Variants in FAM107B observed in about 807,000 individuals in gnomAD.
FAM107B encodes protein FAM107B.
In FAM107B, 21 loss-of-function variants were observed where a neutral mutation model predicts 31.5. The ratio of observed to expected loss-of-function variants is 0.67; its 90% CI spans 0.47 to 0.96. The LOEUF (loss-of-function observed/expected upper bound fraction) is 0.96, where lower values mean the gene tolerates loss of function less well. Among genes scored for constraint, FAM107B ranks in the 40% least tolerant of loss-of-function variants. FAM107B has a pLI of 0.00. For missense variants in FAM107B, 452 were observed against 377.1 expected, an observed-to-expected ratio of 1.20 and a Z score of -1.64; for synonymous variants, 157 against 141.5, an observed-to-expected ratio of 1.11 and a Z score of -0.78.
chr10:14,576,899 T>C (rs1321779814), intron 2 of FAM107B, among the ~76,000 whole-genome samples: 3 of 152,176 alleles, frequency 2.0e-5, no homozygotes, highest in Non-Finnish European at 2.9e-5. Context: ...CCAGAGTATT[T>C]GGGATCAGTA....
chr10:14,526,197 A>G (rs1329384442), intron 3 of FAM107B, among the ~76,000 whole-genome samples: 1 of 152,112 alleles, frequency 6.6e-6, no homozygotes, highest in African/African-American at 2.4e-5. Context: ...CCGGGGGGAC[A>G]GAGTCTCGCT....
At chr10:14,556,516 C>T (rs771239739) in intron 2 of FAM107B, 2 of 646,884 alleles carry the variant, frequency 3.1e-6, no homozygotes, top group Non-Finnish European at 3.8e-6. Context: ...CTGGACAAAA[C>T]AAAGCCGTGC....
At chr10:14,601,937 G>T (rs1398394064) in intron 2 of FAM107B, among the ~76,000 whole-genome samples, 14 of 152,156 alleles carry the variant, frequency 9.2e-5, no homozygotes, top group African/African-American at 2.9e-4. Context: ...ATGAATGAAT[G>T]AATGACGGCG....
chr10:14,571,947 T>G, intron 2 of FAM107B: 1 of 985,434 alleles, frequency 1.0e-6, no homozygotes, highest in Non-Finnish European at 1.2e-6. Flanking sequence ...GGCAGGCTCC[T>G]TAAGCCCAAG....
At chr10:14,522,873 G>A (rs548481429) in intron 3 of FAM107B, among the ~76,000 whole-genome samples, 6 of 152,198 alleles carry the variant, frequency 3.9e-5, no homozygotes, top group South Asian at 2.1e-4. Flanking sequence ...GGACATGGCC[G>A]TGCAGAACCT....
intron 2 of FAM107B, among the ~76,000 whole-genome samples, chr10:14,594,893 C>T (rs1430223814): frequency 6.6e-6 from 1 of 152,176 alleles, no homozygotes; most frequent in Non-Finnish European, 1.5e-5. Flanking sequence ...ACCTTTTTCT[C>T]ATCAGCACAG....
At chr10:14,677,367 A>G (rs1357342828) in intron 1 of FAM107B, among the ~76,000 whole-genome samples, 1 of 152,154 alleles carries the variant, frequency 6.6e-6, no homozygotes, top group Non-Finnish European at 1.5e-5. Flanking sequence ...CAATCCTGTA[A>G]TCCCAGCACT....
intron 2 of FAM107B, among the ~76,000 whole-genome samples, chr10:14,599,245 G>C (rs892767069): frequency 6.6e-6 from 1 of 152,064 alleles, no homozygotes; most frequent in Non-Finnish European, 1.5e-5. Flanking sequence ...CCCACTTCAA[G>C]ACTTCTAAGT....
chr10:14,669,644 A>G (rs1202650891), intron 1 of FAM107B, among the ~76,000 whole-genome samples: 2 of 152,258 alleles, frequency 1.3e-5, no homozygotes, highest in East Asian at 3.8e-4. Flanking sequence ...TAAGCTAGGC[A>G]TGGAAAGATA....
chr10:14,659,457 A>AAAC (rs1854167113), intron 2 of FAM107B, among the ~76,000 whole-genome samples: 1 of 152,044 alleles, frequency 6.6e-6, no homozygotes, highest in African/African-American at 2.4e-5. Context: ...AAACAAAACA[A>AAAC]AACAAAACAA....
At chr10:14,529,539 C>A (rs970147789) in intron 3 of FAM107B, 1 of 152,106 alleles carries the variant, frequency 6.6e-6, no homozygotes. Flanking sequence ...TCTTTCAGTT[C>A]AGTGGGAGAC....
intron 1 of FAM107B, among the ~76,000 whole-genome samples, chr10:14,764,671 G>C (rs1833127210): frequency 1.3e-5 from 2 of 152,220 alleles, no homozygotes. Flanking sequence ...GGTTAACCAT[G>C]TCTGTGGCTG....
At chr10:14,625,886 T>C (rs1853149544) in intron 2 of FAM107B, among the ~76,000 whole-genome samples, 1 of 22,804 alleles carries the variant, frequency 4.4e-5, no homozygotes, top group South Asian at 2.4e-3. Context: ...AAAAAGCTAA[T>C]TTCAACAGGG....
intron 2 of FAM107B, among the ~76,000 whole-genome samples, chr10:14,620,618 G>C (rs879936966): frequency 1.3e-5 from 2 of 151,988 alleles, no homozygotes; most frequent in Non-Finnish European, 2.9e-5. Flanking sequence ...TGCCATATTG[G>C]TTTGCTGCAC....
At chr10:14,547,233 G>A (rs889203283) in intron 2 of FAM107B, among the ~76,000 whole-genome samples, 3 of 152,152 alleles carry the variant, frequency 2.0e-5, no homozygotes, top group Admixed American at 6.5e-5. Flanking sequence ...GATGAGATTC[G>A]ACACTGTTGT....
intron 2 of FAM107B, among the ~76,000 whole-genome samples, chr10:14,535,891 C>G (rs1466032472): frequency 6.6e-6 from 1 of 152,224 alleles, no homozygotes; most frequent in Non-Finnish European, 1.5e-5. Flanking sequence ...AAATCCCATG[C>G]TTACAGATGG....
At chr10:14,542,446 A>G (rs764518822) in intron 2 of FAM107B, 14 of 152,158 alleles carry the variant, frequency 9.2e-5, no homozygotes, top group Non-Finnish European at 1.8e-4. Flanking sequence ...TGATTCTATT[A>G]AAATTAAATT....
chr10:14,636,634 A>G (rs10796210), intron 2 of FAM107B, among the ~76,000 whole-genome samples: 131,619 of 151,806 alleles, frequency 0.87, 57,359 homozygotes, highest in East Asian at 0.95. Flanking sequence ...CTAAAGGTCC[A>G]TCTCCAAACA....
At chr10:14,641,731 T>A (rs1458794791) in intron 2 of FAM107B, among the ~76,000 whole-genome samples, 2 of 152,206 alleles carry the variant, frequency 1.3e-5, no homozygotes, top group African/African-American at 4.8e-5. Context: ...ATGCCCTATC[T>A]CCAAATACCA....
Sources: allele counts gnomAD v4.1 joint callset (sites outside exome capture counted in the v4.1 genomes callset), GRCh38; gene constraint gnomAD v4.1.1; transcripts MANE v1.5; gene names NCBI Gene and HGNC (gene_info 2026-07-23, HGNC 2026-07-21).